CCDC178: variants seen among roughly 807,000 people sequenced by gnomAD.
The protein encoded by CCDC178 is coiled-coil domain-containing protein 178.
CCDC178 carries 126 observed loss-of-function variants against 117.4 expected under a neutral mutation model. The observed-to-expected ratio is 1.07, with a 90% CI of 0.93 to 1.24. The LOEUF is 1.24. CCDC178 is among the 50% of genes most tolerant of loss of function. CCDC178 has a pLI of 0.00. For missense variants in CCDC178, 1,030 were observed against 986.9 expected (o/e 1.04, Z -0.59); for synonymous variants, 283 against 313.4 (o/e 0.90, Z 1.02).
intron 20 of CCDC178, among the ~76,000 whole-genome samples, chr18:33,194,900 C>CAAAAAAAAA (rs530764182): frequency 8.4e-4 from 47 of 56,056 alleles, no homozygotes; most frequent in Non-Finnish European, 1.1e-3. Flanking sequence ...TCTGTTTCTA[C>CAAAAAAAAA]AAAAAAAAAA....
chr18:33,141,571 T>G (rs891160978), intron 20 of CCDC178, among the ~76,000 whole-genome samples: 1 of 152,196 alleles, frequency 6.6e-6, no homozygotes, highest in Non-Finnish European at 1.5e-5. Context: ...CAGCAAGAAA[T>G]AAACATTTAT....
At chr18:33,301,169 G>C (rs2062172357) in intron 11 of CCDC178, among the ~76,000 whole-genome samples, 1 of 152,264 alleles carries the variant, frequency 6.6e-6, no homozygotes, top group African/African-American at 2.4e-5. Flanking sequence ...GTATGGTTTT[G>C]GCTGCCACTC....
intron 12 of CCDC178, among the ~76,000 whole-genome samples, chr18:33,284,706 G>A (rs68068381): frequency 0.07 from 10,685 of 152,142 alleles, 587 homozygotes; most frequent in African/African-American, 0.15. Context: ...TTTCTATAAT[G>A]AATCCCATCA....
At chr18:33,369,043 C>A (rs1013967315) in intron 6 of CCDC178, among the ~76,000 whole-genome samples, 15 of 151,724 alleles carry the variant, frequency 9.9e-5, no homozygotes, top group Non-Finnish European at 1.9e-4. Flanking sequence ...TCTTTATTTC[C>A]TTGCCATAGT....
chr18:33,311,021 T>C (rs1368803865), intron 11 of CCDC178, among the ~76,000 whole-genome samples: 1 of 152,186 alleles, frequency 6.6e-6, no homozygotes, highest in Non-Finnish European at 1.5e-5. Context: ...CAACTTTAGA[T>C]CTTTATAACT....
At chr18:33,167,951 C>G (rs1034389984) in intron 20 of CCDC178, among the ~76,000 whole-genome samples, 1 of 151,644 alleles carries the variant, frequency 6.6e-6, no homozygotes, top group Non-Finnish European at 1.5e-5. Context: ...GTATTTTTTT[C>G]TTGTATTTAA....
intron 21 of CCDC178, among the ~76,000 whole-genome samples, chr18:33,021,988 T>G (rs960057672): frequency 6.6e-6 from 1 of 152,206 alleles, no homozygotes; most frequent in Admixed American, 6.5e-5. Flanking sequence ...TATAATTTCC[T>G]TTTAATTTTA....
chr18:33,245,064 C>CAAGG (rs1431001791), intron 15 of CCDC178, among the ~76,000 whole-genome samples, 181 bp downstream of exon 15: 1 of 151,916 alleles, frequency 6.6e-6, no homozygotes, highest in African/African-American at 2.4e-5. Context: ...GAGCCCTCAT[C>CAAGG]CTCTTCTATT....
chr18:32,950,767 A>G (rs1189157578), intron 22 of CCDC178, among the ~76,000 whole-genome samples: 1 of 152,220 alleles, frequency 6.6e-6, no homozygotes, highest in Non-Finnish European at 1.5e-5. Flanking sequence ...TTAGGAAAAT[A>G]TTGGAGACAT....
rs569123408 is a variant in CCDC178 at position 33,333,375 on chromosome 18, A to T, written c.678T>A (p.Ser226Arg). The T allele has an allele frequency of 1.3e-4, 206 of 1,602,848 alleles. 2 individuals carry two copies. In the South Asian group the frequency reaches 2.2e-3, roughly 17 times the overall value. ...AVQKEHEAYL[S>R]DVIELQWHLE... is the part of the protein sequence containing the mutation. ...GATGCCATTGTAATTCTATAACATC[A>T]CTCAAATAGGCCTCATGTTCTAGAT... Residue 226 changes from serine (S) to arginine (R), a missense_variant, in exon 10 of 23, where the codon AGT (serine) becomes AGA (arginine). Physicochemically the swap from Ser to Arg is moderately radical, Grantham distance 110 (BLOSUM62 -1). Transcript: ENST00000383096.
intron 11 of CCDC178, among the ~76,000 whole-genome samples, chr18:33,317,140 C>T (rs561244485): frequency 1.2e-4 from 18 of 152,198 alleles, no homozygotes; most frequent in South Asian, 4.1e-4. Context: ...TTTGTTCTTT[C>T]GCTCTTTGCA....
chr18:33,264,229 G>A (rs1050690928), intron 14 of CCDC178, among the ~76,000 whole-genome samples: 60 of 151,858 alleles, frequency 4.0e-4, no homozygotes, highest in Non-Finnish European at 6.2e-4. Flanking sequence ...GCAAATAATC[G>A]AAATAGATAA....
chr18:33,288,790 G>A (rs902094938), intron 12 of CCDC178, among the ~76,000 whole-genome samples: 3 of 152,230 alleles, frequency 2.0e-5, no homozygotes, highest in African/African-American at 7.2e-5. Flanking sequence ...CACAATGATA[G>A]GACTGAGAGA....
At chr18:33,088,835 A>G (rs1181491927) in intron 21 of CCDC178, among the ~76,000 whole-genome samples, 1 of 152,138 alleles carries the variant, frequency 6.6e-6, no homozygotes, top group African/African-American at 2.4e-5. Context: ...AGTTTATTGG[A>G]AAGAACATTT....
At chr18:33,140,069 C>T (rs1487735189) in intron 20 of CCDC178, among the ~76,000 whole-genome samples, 1 of 152,184 alleles carries the variant, frequency 6.6e-6, no homozygotes, top group East Asian at 1.9e-4. Flanking sequence ...TGGCAGCTTC[C>T]ATGTGGTGTT....
intron 20 of CCDC178, among the ~76,000 whole-genome samples, chr18:33,118,825 A>C (rs1462862792): frequency 6.6e-6 from 1 of 152,192 alleles, no homozygotes; most frequent in Non-Finnish European, 1.5e-5. Context: ...ACAGCATGGT[A>C]CTGGTACCAA....
chr18:33,057,325 T>C (rs543881715), intron 21 of CCDC178, among the ~76,000 whole-genome samples: 1 of 152,328 alleles, frequency 6.6e-6, no homozygotes, highest in Admixed American at 6.5e-5. Context: ...AGGGTGGTTA[T>C]AAATACTAAG....
At chr18:33,125,807 A>G (rs1159682431) in intron 20 of CCDC178, among the ~76,000 whole-genome samples, 1 of 152,234 alleles carries the variant, frequency 6.6e-6, no homozygotes, top group Admixed American at 6.6e-5. Flanking sequence ...CTTCTGCTGA[A>G]GTGCTCAGGT....
chr18:33,087,612 C>A (rs2057399873), intron 21 of CCDC178, among the ~76,000 whole-genome samples: 1 of 144,316 alleles, frequency 6.9e-6, no homozygotes, highest in Non-Finnish European at 1.5e-5. Context: ...GTTTGCATGT[C>A]CACATGCCTG....
Sources: gnomAD v4.1 joint callset for allele counts (sites outside exome capture counted in the v4.1 genomes callset) on GRCh38, gnomAD v4.1.1 for gene constraint, MANE v1.5 for transcripts, NCBI Gene and HGNC (gene_info 2026-07-23, HGNC 2026-07-21) for gene names.